Variants in TESK2 observed in about 807,000 individuals in gnomAD.
TESK2 encodes the protein testis associated actin remodelling kinase 2.
TESK2 carries 39 observed loss-of-function variants against 57.1 expected under a neutral mutation model. The ratio of observed to expected loss-of-function variants is 0.68; its 90% confidence interval spans 0.53 to 0.89. TESK2 has a LOEUF of 0.89. TESK2 is among the 40% of genes least tolerant of loss of function. The probability of loss-of-function intolerance (pLI) is 0.00; values close to 1 mark genes in which losing one functional copy is unlikely to be tolerated. For missense variants in TESK2, 646 were observed against 732.1 expected (o/e 0.88, Z 1.36); for synonymous variants, 249 against 267.9 (o/e 0.93, Z 0.69).
At chr1:45,485,299 T>C (rs1405025977) in intron 1 of TESK2, among the ~76,000 whole-genome samples, 1 of 149,192 alleles carries the variant, frequency 6.7e-6, no homozygotes, top group Admixed American at 6.7e-5. Flanking sequence ...GCCCTTCTCC[T>C]GCCTCCGCCT....
rs542119416 is a variant in TESK2 at position 45,344,032 on chromosome 1, C to T, written c.*808G>A. The T allele has an allele frequency of 2.8e-5, 7 of 249,442 alleles. No individual in the cohort carries two copies. In the South Asian group the frequency reaches 4.6e-4, roughly 16 times the overall value. The allele number at this position is 249,442 out of a possible 1,614,324, so 15.5% of individuals were successfully genotyped here. The stretch of plus-strand genomic sequence containing the variant: ...GCAGCTCTGTAAGGACAGACTGTTC[C>T]CAAAGCTCCAGCCATGGCAGGAAGG... On this transcript the variant is annotated 3_prime_UTR_variant, in exon 11 of 11. Coordinates refer to ENST00000372086, the MANE Select transcript of TESK2 (RefSeq NM_007170.3).
chr1:45,398,998 A>AC (rs781112608), intron 3 of TESK2: 49 of 434,212 alleles, frequency 1.1e-4, no homozygotes, highest in African/African-American at 1.9e-4. Flanking sequence ...AAAAAAAAAA[A>AC]AAAAAAAAAC....
intron 3 of TESK2, among the ~76,000 whole-genome samples, chr1:45,410,810 A>G (rs1460729369): frequency 6.6e-6 from 1 of 151,682 alleles, no homozygotes; most frequent in African/African-American, 2.4e-5. Context: ...TATATCACCC[A>G]GTCTGTGTTT....
At chr1:45,366,862 A>G (rs1193318078) in intron 4 of TESK2, among the ~76,000 whole-genome samples, 1 of 152,190 alleles carries the variant, frequency 6.6e-6, no homozygotes, top group East Asian at 1.9e-4. Flanking sequence ...GGCTGGGCGC[A>G]GAGGCTCATG....
intron 1 of TESK2, among the ~76,000 whole-genome samples, chr1:45,483,792 G>GT (rs1653337195): frequency 6.7e-6 from 1 of 149,972 alleles, no homozygotes; most frequent in South Asian, 2.1e-4. Flanking sequence ...ATGCCCAGGA[G>GT]TTTGAGACCA....
intron 1 of TESK2, among the ~76,000 whole-genome samples, chr1:45,480,625 T>C (rs1422702823): frequency 6.6e-6 from 1 of 151,624 alleles, no homozygotes; most frequent in Non-Finnish European, 1.5e-5. Context: ...TAAATTATGA[T>C]ACATCCATTC....
intron 2 of TESK2, among the ~76,000 whole-genome samples, chr1:45,428,010 T>C (rs1477101128): frequency 1.3e-5 from 2 of 152,154 alleles, no homozygotes. Context: ...AAATATCTCA[T>C]GTACCCCATA....
At chr1:45,458,813 T>C (rs1652220439) in intron 1 of TESK2, among the ~76,000 whole-genome samples, 1 of 152,126 alleles carries the variant, frequency 6.6e-6, no homozygotes, top group African/African-American at 2.4e-5. Context: ...TAGAAGTAAC[T>C]ATAGAAGGCT....
rs1647122940 is a variant in TESK2 at position 45,345,227 on chromosome 1, C to T, written c.1329G>A (p.Trp443Ter). 1 of 1,614,216 alleles carries T rather than the reference C, an allele frequency of 6.2e-7. No individual in the cohort carries two copies. The highest frequency in any genetic ancestry group is 8.5e-7 in the Non-Finnish European group (1 of 1,180,038). ...PGPGTMPLAD[W>*]QEPLAPPIRR... ...GAATAGGTGGGGCCAGGGGCTCCTG[C>T]CAGTCAGCCAGGGGCATAGTTCCGG... Residue 443 changes from tryptophan to a stop codon, truncating the protein, a stop_gained, in exon 11 of 11, where the codon TGG becomes TGA. Coordinates refer to ENST00000372086, the MANE Select transcript of TESK2 (RefSeq NM_007170.3). LOFTEE classifies it high-confidence loss of function.
chr1:45,350,140 AAAAATT>A (rs1239848570), intron 5 of TESK2, among the ~76,000 whole-genome samples: 1 of 152,202 alleles, frequency 6.6e-6, no homozygotes, highest in Non-Finnish European at 1.5e-5. Context: ...ACTCTGTCTC[AAAAATT>A]AAAATTAAAA....
chr1:45,344,656 G>A lies in TESK2; in HGVS notation c.*184C>T. On this transcript the variant is annotated 3_prime_UTR_variant, in exon 11 of 11. Coordinates refer to ENST00000372086, the MANE Select transcript of TESK2 (RefSeq NM_007170.3). ...ATCAGCTGTTGGCCCTAACTAGGAA[G>A]GCCTCTCACTGCTGCCTCCCGTCAT... The A allele has an allele frequency of 1.7e-6, 1 of 603,020 alleles. No homozygotes were observed. The highest frequency in any genetic ancestry group is 2.9e-6 in the Non-Finnish European group (1 of 342,720). The allele number at this position is 603,020 out of a possible 1,614,324, so 37.4% of individuals were successfully genotyped here.
intron 4 of TESK2, among the ~76,000 whole-genome samples, chr1:45,378,124 G>A (rs1460096333): frequency 3.9e-5 from 6 of 152,052 alleles, no homozygotes; most frequent in Non-Finnish European, 8.8e-5. Flanking sequence ...AAATAACTGA[G>A]TGGAAAAAAA....
At chr1:45,449,867 C>A (rs1471649953) in intron 2 of TESK2, among the ~76,000 whole-genome samples, 2 of 152,044 alleles carry the variant, frequency 1.3e-5, no homozygotes, top group Non-Finnish European at 1.5e-5. Context: ...TGTCTAAATA[C>A]AATTTTTTAA....
chr1:45,385,571 G>T (rs558623141), intron 4 of TESK2, among the ~76,000 whole-genome samples: 17 of 152,122 alleles, frequency 1.1e-4, no homozygotes, highest in African/African-American at 3.6e-4. Context: ...GGCAGCAAGA[G>T]CTAACTTAAT....
chr1:45,429,352 T>C (rs1200949470), intron 2 of TESK2, among the ~76,000 whole-genome samples: 1 of 151,874 alleles, frequency 6.6e-6, no homozygotes, highest in Non-Finnish European at 1.5e-5. Context: ...GCCGAGATTG[T>C]GCCATTGCAC....
At chr1:45,484,788 T>C (rs2149309336) in intron 1 of TESK2, among the ~76,000 whole-genome samples, 1 of 150,798 alleles carries the variant, frequency 6.6e-6, no homozygotes, top group Middle Eastern at 3.4e-3. Context: ...TCCCAGCACT[T>C]TGGGAGGCCG....
rs35969225 is a variant in TESK2, at chr1:45,465,414, A to AAGAG, written c.-86-7547_-86-7544dup. Among the ~76,000 whole-genome samples the AAGAG allele has an allele frequency of 4.5e-3, 631 of 140,278 alleles. 4 individuals are homozygous for AAGAG. Among genetic ancestry groups the AAGAG allele is most frequent in the African/African-American group, 0.016 (582 of 36,686 alleles). 92.0% of individuals were successfully genotyped at this position (140,278 alleles called of 152,430 possible). ...TGACAGAGTGAGACTCCAAAAAAGA[A>AAGAG]AGAGAGAGAGAGAGAGAGAGAGAAA... On this transcript the variant is annotated intron_variant, in intron 1 of 10. Coordinates refer to ENST00000372086, the MANE Select transcript of TESK2 (RefSeq NM_007170.3).
intron 2 of TESK2, among the ~76,000 whole-genome samples, chr1:45,424,766 G>A (rs1223005014): frequency 2.0e-5 from 3 of 152,070 alleles, no homozygotes; most frequent in African/African-American, 4.8e-5. Context: ...TTCAACATAC[G>A]TAAATCAATC....
intron 4 of TESK2, among the ~76,000 whole-genome samples, chr1:45,362,722 T>C (rs999616347): frequency 6.6e-6 from 1 of 152,164 alleles, no homozygotes; most frequent in Non-Finnish European, 1.5e-5. Context: ...TGCTACCATC[T>C]AATTAGCAAC....
Sources: allele counts gnomAD v4.1 joint callset (sites outside exome capture counted in the v4.1 genomes callset), GRCh38; gene constraint gnomAD v4.1.1; transcripts MANE v1.5; gene names NCBI Gene and HGNC (gene_info 2026-07-23, HGNC 2026-07-21).